Variants in SORCS2 observed in about 807,000 individuals in gnomAD.
SORCS2 encodes the protein VPS10 domain-containing receptor SorCS2.
In SORCS2, 100 loss-of-function variants were observed where a neutral mutation model predicts 141.6. The ratio of observed to expected loss-of-function variants is 0.71; its 90% CI spans 0.60 to 0.83. The LOEUF is 0.83. Among genes scored for constraint, SORCS2 ranks in the 40% least tolerant of loss-of-function variants. The pLI is 0.00. For missense variants in SORCS2, 1,646 were observed against 1,560.2 expected, an observed-to-expected ratio of 1.05 and a Z score of -0.93; for synonymous variants, 789 against 676.9, an observed-to-expected ratio of 1.17 and a Z score of -2.57.
intron 2 of SORCS2, among the ~76,000 whole-genome samples, chr4:7,472,978 T>C (rs745968329): frequency 2.0e-5 from 3 of 152,120 alleles, no homozygotes; most frequent in Non-Finnish European, 4.4e-5. Flanking sequence ...CTTATTTCAT[T>C]GATTCCTTTA....
At chr4:7,519,784 C>A (rs1733207806) in intron 2 of SORCS2, among the ~76,000 whole-genome samples, 1 of 152,242 alleles carries the variant, frequency 6.6e-6, no homozygotes, top group African/African-American at 2.4e-5. Flanking sequence ...TCAGCTCCTG[C>A]AGCTCCTTGG....
At chr4:7,605,085 G>T (rs1577829029) in intron 3 of SORCS2, among the ~76,000 whole-genome samples, 1 of 152,222 alleles carries the variant, frequency 6.6e-6, no homozygotes, top group Non-Finnish European at 1.5e-5. Context: ...GTCAGCATGG[G>T]ACTGGTTTGA....
At position 7,681,402 on chromosome 4, in the gene SORCS2, G is replaced by A. The variant is rs538584984; in HGVS notation, c.1342-1341G>A. Among the ~76,000 whole-genome samples the A allele has an allele frequency of 4.8e-4, 73 of 152,292 alleles. 2 individuals carry two copies. The South Asian group carries it at 0.014, about 29-fold the overall frequency. On this transcript the variant is annotated intron_variant, in intron 9 of 26. Coordinates refer to ENST00000507866, the MANE Select transcript of SORCS2 (RefSeq NM_020777.3). Reference sequence around the variant, plus strand: ...AGAGAAGATGTGATGGTGGAAACACGGTCAGAGAGATGCAGCGTTGCTAGC... The same window carrying A: ...AGAGAAGATGTGATGGTGGAAACACAGTCAGAGAGATGCAGCGTTGCTAGC...
At chr4:7,333,385 G>A (rs1166224315) in intron 1 of SORCS2, among the ~76,000 whole-genome samples, 5 of 152,212 alleles carry the variant, frequency 3.3e-5, no homozygotes, top group East Asian at 1.9e-4. Flanking sequence ...ACGTGTTCCC[G>A]TGTGTGATGT....
intron 10 of SORCS2, among the ~76,000 whole-genome samples, chr4:7,687,659 T>G (rs1377838462): frequency 6.6e-6 from 1 of 152,144 alleles, no homozygotes; most frequent in African/African-American, 2.4e-5. Context: ...GCGTCTGCAA[T>G]GGACACAGGG....
chr4:7,407,354 G>C (rs1054300725), intron 2 of SORCS2, among the ~76,000 whole-genome samples: 4 of 152,180 alleles, frequency 2.6e-5, no homozygotes, highest in Non-Finnish European at 5.9e-5. Flanking sequence ...TATATACTTG[G>C]GAGATTCGTG....
intron 1 of SORCS2, among the ~76,000 whole-genome samples, chr4:7,234,439 G>C (rs1441366529): frequency 6.6e-6 from 1 of 152,252 alleles, no homozygotes; most frequent in Non-Finnish European, 1.5e-5. Flanking sequence ...GCTGTGCAAG[G>C]GTTGTTGGCC....
intron 1 of SORCS2, among the ~76,000 whole-genome samples, chr4:7,224,663 C>T (rs930213045): frequency 6.6e-6 from 1 of 152,352 alleles, no homozygotes; most frequent in South Asian, 2.1e-4. Context: ...GACCTCCCCC[C>T]AGGCCCCACC....
At chr4:7,512,770 C>T (rs1281944335) in intron 2 of SORCS2, among the ~76,000 whole-genome samples, 1 of 152,078 alleles carries the variant, frequency 6.6e-6, no homozygotes, top group Admixed American at 6.5e-5. Context: ...TCCACTCCCT[C>T]AGGTGTCACT....
chr4:7,279,850 A>G (rs1715753620), intron 1 of SORCS2, among the ~76,000 whole-genome samples: 1 of 150,578 alleles, frequency 6.6e-6, no homozygotes, highest in South Asian at 2.1e-4. Flanking sequence ...TTCTGGACGC[A>G]CCTCCCCTCC....
chr4:7,607,394 G>T (rs1718128406), intron 3 of SORCS2, among the ~76,000 whole-genome samples: 1 of 152,064 alleles, frequency 6.6e-6, no homozygotes, highest in African/African-American at 2.4e-5. Context: ...TTGTTCTGCA[G>T]CCTGCCCCGC....
chr4:7,364,541 TCTC>T (rs563764174), intron 1 of SORCS2, among the ~76,000 whole-genome samples: 2 of 152,056 alleles, frequency 1.3e-5, no homozygotes, highest in African/African-American at 4.8e-5. Flanking sequence ...TTCTGGGCAG[TCTC>T]CTCCTTCCTT....
chr4:7,292,402 C>T (rs1716673693), intron 1 of SORCS2, among the ~76,000 whole-genome samples: 1 of 152,212 alleles, frequency 6.6e-6, no homozygotes, highest in African/African-American at 2.4e-5. Flanking sequence ...TAAGAGGAAC[C>T]CAGAGATCTG....
chr4:7,339,208 C>G (rs1720218219), intron 1 of SORCS2, among the ~76,000 whole-genome samples: 1 of 152,228 alleles, frequency 6.6e-6, no homozygotes, highest in Non-Finnish European at 1.5e-5. Flanking sequence ...TCCGTGTGCA[C>G]AGCTACTCTT....
At chr4:7,520,005 C>A (rs578172902) in intron 2 of SORCS2, among the ~76,000 whole-genome samples, 1 of 152,332 alleles carries the variant, frequency 6.6e-6, no homozygotes, top group Admixed American at 6.5e-5. Context: ...AGGCTTACCC[C>A]CTTCAGTGCT....
chr4:7,304,994 C>G (rs1024829319), intron 1 of SORCS2, among the ~76,000 whole-genome samples: 1 of 152,042 alleles, frequency 6.6e-6, no homozygotes, highest in Non-Finnish European at 1.5e-5. Context: ...GCTGTCGGCT[C>G]CAGAGTCGTT....
chr4:7,262,846 G>A (rs1167924137), intron 1 of SORCS2, among the ~76,000 whole-genome samples: 4 of 152,226 alleles, frequency 2.6e-5, no homozygotes, highest in Admixed American at 2.0e-4. Context: ...GGCTGTGTCT[G>A]GTGAAGGTGG....
At chr4:7,576,029 A>C (rs894855655) in intron 3 of SORCS2, among the ~76,000 whole-genome samples, 2 of 152,396 alleles carry the variant, frequency 1.3e-5, no homozygotes, top group Admixed American at 6.5e-5. Flanking sequence ...GAGATGTCAC[A>C]TATCAGTGAA....
chr4:7,458,469 C>T (rs770838021), intron 2 of SORCS2, among the ~76,000 whole-genome samples: 10 of 152,244 alleles, frequency 6.6e-5, no homozygotes, highest in Middle Eastern at 6.8e-3. Flanking sequence ...TGGAGAATTC[C>T]CCCATGGTCC....
Sources: allele counts gnomAD v4.1 joint callset (sites outside exome capture counted in the v4.1 genomes callset), GRCh38; gene constraint gnomAD v4.1.1; transcripts MANE v1.5; gene names NCBI Gene and HGNC (gene_info 2026-07-23, HGNC 2026-07-21).